Variants in KLHL17 observed in about 807,000 individuals in gnomAD.
The protein encoded by KLHL17 is kelch like family member 17.
In KLHL17, 71 loss-of-function variants were observed where a neutral mutation model predicts 64.6. That is an observed-to-expected ratio of 1.10 (90% confidence interval 0.91 to 1.34). The LOEUF (loss-of-function observed/expected upper bound fraction) is 1.34. KLHL17 is among the 40% of genes most tolerant of loss of function. KLHL17 has a pLI of 0.00. For synonymous variants in KLHL17, 612 were observed against 405.4 expected, an observed-to-expected ratio of 1.51 and a Z score of -6.12; for missense variants, 1,140 against 935.0, an observed-to-expected ratio of 1.22 and a Z score of -2.86.
At chr1:964,236 CCT>C in intron 10 of KLHL17, 56 bp downstream of exon 10, 7 of 1,603,898 alleles carry the variant, frequency 4.4e-6, no homozygotes, top group Admixed American at 3.3e-5. Flanking sequence ...GGCCCTCCTC[CCT>C]CTGTTTACCC....
chr1:961,248 G>T (rs765433473), intron 1 of KLHL17, 45 bp from the exon 2 acceptor site: 1 of 1,313,976 alleles, frequency 7.6e-7, no homozygotes, highest in South Asian at 2.2e-5. Flanking sequence ...CAGGGCGGGC[G>T]GGCGGCTCCA....
rs948255314 is a variant in KLHL17 at position 964,526 on chromosome 1, C to T, written c.1696C>T (p.Arg566Cys). 5.3e-6 allele frequency: 8 copies of T among 1,504,510 alleles called. No individual in the cohort carries two copies. Among genetic ancestry groups the T allele is most frequent in the East Asian group, 5.0e-5 (2 of 40,360 alleles). 93.2% of individuals were successfully genotyped at this position (1,504,510 alleles called of 1,614,324 possible). The change falls in exon 11 of 12, where the codon CGC becomes TGC. Residue 566 changes from arginine (R) to cysteine (C), a missense_variant. By Grantham distance (180) the Arg-to-Cys change is radical. Transcript: ENST00000338591. ...AWESVAPMNIRRSTHDLVAMD... is the reference protein window; with the variant it reads ...AWESVAPMNICRSTHDLVAMD... ...GGAAAGCGTGGCGCCCATGAATATCCGCAGGTCCGCAGTGGGGCTGCGGGG... is the reference window on the plus strand; with the variant it reads ...GGAAAGCGTGGCGCCCATGAATATCTGCAGGTCCGCAGTGGGGCTGCGGGG...
intron 8 of KLHL17, 132 bp downstream of exon 8, chr1:963,636 A>AC: frequency 2.8e-6 from 3 of 1,068,222 alleles, no homozygotes; most frequent in Non-Finnish European, 4.0e-6. Context: ...ACCCCAGGCC[A>AC]CTGCCACACT....
At position 962,416 on chromosome 1, in the gene KLHL17, C is replaced by G; in HGVS notation, c.773C>G (p.Ala258Gly). The part of the protein sequence containing the change: ...NVPSEEEVYR[A>G]VLSWVKHDVD... ...CCTTCAGAGGAGGAGGTCTACCGAG[C>G]CGTCCTGAGCTGGGTGAAACACGAC... Residue 258 changes from alanine (A) to glycine (G), a missense_variant, in exon 5 of 12, where the codon GCC (alanine) becomes GGC (glycine). Ala to Gly is a moderately conservative substitution (Grantham distance 60, BLOSUM62 0). Transcript: ENST00000338591. 6.2e-7 allele frequency: 1 copy of G among 1,612,764 alleles called. No homozygotes were observed. Among genetic ancestry groups the G allele is most frequent in the Non-Finnish European group, 8.5e-7 (1 of 1,179,930 alleles).
Position 961,819 on chromosome 1 carries a change from C to G in KLHL17, c.490-7C>G. The G allele has an allele frequency of 6.2e-7, 1 of 1,610,412 alleles. No homozygotes were observed. The highest frequency in any genetic ancestry group is 8.5e-7 in the Non-Finnish European group (1 of 1,179,836). ...GCCTCCCTCACCTGCCTCTCGGTGC[C>G]CCGTAGACTCTGCTCCCAGCCGCCA... On this transcript the variant is annotated splice_polypyrimidine_tract_variant and splice_region_variant and intron_variant, in intron 3 of 11. Transcript: ENST00000338591.
chr1:964,497 C>T lies in KLHL17; in HGVS notation c.1667C>T (p.Ala556Val), dbSNP rs745641573. Residue 556 changes from alanine to valine, a missense_variant, in exon 11 of 12, where the codon GCC becomes GTC. By Grantham distance (64) the Ala-to-Val change is moderately conservative. Transcript: ENST00000338591. ...SVERYSPKAG[A>V]WESVAPMNIR... is the part of the protein sequence containing the mutation. ...GAGAGATACAGTCCAAAGGCTGGAG[C>T]CTGGGAAAGCGTGGCGCCCATGAAT... is the stretch of plus-strand genomic sequence containing the variant. 1 of 1,523,320 alleles carries T rather than the reference C, an allele frequency of 6.6e-7. No homozygotes were observed. The highest frequency in any genetic ancestry group is 1.5e-5 in the African/African-American group (1 of 68,552). The allele number at this position is 1,523,320 out of a possible 1,614,324, so 94.4% of individuals were successfully genotyped here.
Position 964,465 on chromosome 1 carries a change from C to T in KLHL17, c.1635C>T (p.Asn545=), listed in dbSNP as rs200935874. Reference sequence around the variant, plus strand: ...GCAACGACGGCACCAGCTGCCTCAACTCGGTAGAGAGATACAGTCCAAAGG... The same window carrying T: ...GCAACGACGGCACCAGCTGCCTCAATTCGGTAGAGAGATACAGTCCAAAGG... The part of the protein sequence containing the change: ...AGGNDGTSCL[N]SVERYSPKAG... Residue 545 remains asparagine (N), a synonymous_variant, in exon 11 of 12, where the codon AAC becomes AAT. Transcript: ENST00000338591. The T allele has an allele frequency of 1.3e-6, 2 of 1,548,040 alleles. No homozygotes were observed. The highest frequency in any genetic ancestry group is 1.7e-6 in the Non-Finnish European group (2 of 1,145,594).
chr1:964,114 C>T lies in KLHL17; in HGVS notation c.1452C>T (p.Asn484=), dbSNP rs946819366. The change falls in exon 10 of 12, where the codon AAC becomes AAT. Residue 484 remains asparagine, a synonymous_variant. Coordinates refer to ENST00000338591, the MANE Select transcript of KLHL17 (RefSeq NM_198317.3). ...RYVRVATLDG[N]LYAVGGYDSS... ...TGTGTTGACTTCCGGCAGATGGGAA[C>T]CTGTATGCTGTGGGCGGCTACGACA... 4 of 1,612,594 alleles carry T rather than the reference C, an allele frequency of 2.5e-6. No individual in the cohort carries two copies. Among genetic ancestry groups the T allele is most frequent in the Non-Finnish European group, 2.5e-6 (3 of 1,179,936 alleles).
chr1:963,303 CCA>C (rs1642744726), intron 7 of KLHL17, 32 bp from the exon 8 acceptor site: 1 of 1,599,794 alleles, frequency 6.3e-7, no homozygotes. Flanking sequence ...GCCCGCCAGG[CCA>C]GTCTTGACCT....
Position 961,374 on chromosome 1 carries a change from G to A in KLHL17, c.189G>A (p.Glu63=), listed in dbSNP as rs199679371. 2.3e-4 allele frequency: 370 copies of A among 1,600,546 alleles called. No homozygotes were observed. Among genetic ancestry groups the A allele is most frequent in the Admixed American group, 4.8e-4 (28 of 58,512 alleles). The part of the protein sequence containing the change: ...MEGAVQLLSR[E]GHSVAHNSKR... ...GAGCCGTGCAGCTGCTGAGCCGCGA[G>A]GGCCACAGCGTGGCCCACAACTCCA... The change falls in exon 2 of 12, where the codon GAG becomes GAA. Residue 63 remains glutamate, a synonymous_variant. Coordinates refer to ENST00000338591, the MANE Select transcript of KLHL17 (RefSeq NM_198317.3).
chr1:963,643 C>T (rs1642759983), intron 8 of KLHL17, 139 bp downstream of exon 8: 9 of 1,041,604 alleles, frequency 8.6e-6, no homozygotes, highest in African/African-American at 1.6e-5. Context: ...GCCACTGCCA[C>T]ACTGGGCCTG....
At chr1:962,613 C>T (rs1642709514) in intron 5 of KLHL17, 91 bp from the exon 6 acceptor site, 1 of 1,522,218 alleles carries the variant, frequency 6.6e-7, no homozygotes, top group Non-Finnish European at 8.8e-7. Flanking sequence ...ATCCATCACA[C>T]AGGTGGTACG....
Position 964,380 on chromosome 1 carries a change from T to C in KLHL17, c.1550T>C (p.Leu517Pro). The part of the protein sequence containing the change: ...VNVWSPVASM[L>P]SRRSSAGVAV... ...GTGTGGTCGCCCGTGGCGTCCATGC[T>C]GAGCCGACGCAGCTCAGCGGGCGTG... The change falls in exon 11 of 12, where the codon CTG becomes CCG. Residue 517 changes from leucine (L) to proline (P), a missense_variant. Transcript: ENST00000338591. 2 of 1,558,020 alleles carry C rather than the reference T, an allele frequency of 1.3e-6. No homozygotes were observed. Among genetic ancestry groups the C allele is most frequent in the South Asian group, 1.2e-5 (1 of 85,236 alleles).
intron 10 of KLHL17, 79 bp from the exon 11 acceptor site, chr1:964,269 AC>A (rs1483093704): frequency 1.3e-6 from 2 of 1,587,040 alleles, no homozygotes; most frequent in Admixed American, 1.7e-5. Flanking sequence ...CATTCCTGAC[AC>A]CCCACCCTGG....
At position 965,283 on chromosome 1, in the gene KLHL17, C is replaced by T. The variant is rs557946046; in HGVS notation, c.*92C>T. On this transcript the variant is annotated 3_prime_UTR_variant, in exon 12 of 12. Transcript: ENST00000338591. ...CGTCCTGCGCCATCCGTTCACGTCTCTGCATCCATTCCTTCATGTCTTTAT... is the reference window on the plus strand; with the variant it reads ...CGTCCTGCGCCATCCGTTCACGTCTTTGCATCCATTCCTTCATGTCTTTAT... The T allele has an allele frequency of 1.7e-5, 16 of 936,170 alleles. No homozygotes were observed. The highest frequency in any genetic ancestry group is 1.0e-4 in the African/African-American group (6 of 60,022). 58.0% of individuals were successfully genotyped at this position (936,170 alleles called of 1,614,324 possible). A position where few individuals can be genotyped will look rare whatever the true frequency, so the allele number is the denominator to read the frequency against.
Position 961,892 on chromosome 1 carries a change from C to T in KLHL17, c.556C>T (p.Leu186=). Residue 186 remains leucine (L), a synonymous_variant, in exon 4 of 12, where the codon CTG becomes TTG. Transcript: ENST00000338591. The part of the protein sequence containing the change: ...GVRDACCKFL[L]SQLDPSNCLG... ...CCGAGACGCTTGCTGCAAGTTTCTACTGAGTCAGCTCGACCCCTCCAACTG... is the reference window on the plus strand; with the variant it reads ...CCGAGACGCTTGCTGCAAGTTTCTATTGAGTCAGCTCGACCCCTCCAACTG... 10 of 1,612,808 alleles carry T rather than the reference C, an allele frequency of 6.2e-6. No individual in the cohort carries two copies. Among genetic ancestry groups the T allele is most frequent in the Non-Finnish European group, 7.6e-6 (9 of 1,180,014 alleles).
chr1:963,385 GACTA>G lies in KLHL17; in HGVS notation c.1239_1242del (p.Asn414ArgfsTer36). 6.2e-7 allele frequency: 1 copy of G among 1,612,614 alleles called. No individual in the cohort carries two copies. The highest frequency in any genetic ancestry group is 8.5e-7 in the Non-Finnish European group (1 of 1,179,840). Reference sequence around the variant, plus strand: ...CTACCGTGGAGTCCTACGACCCCGTGACTAACACGTGGCAGCCGGAGGTGTCCAT... The same window carrying G: ...CTACCGTGGAGTCCTACGACCCCGTGACACGTGGCAGCCGGAGGTGTCCAT... On this transcript the variant is annotated frameshift_variant, in exon 8 of 12. Coordinates refer to ENST00000338591, the MANE Select transcript of KLHL17 (RefSeq NM_198317.3). LOFTEE classifies it high-confidence loss of function.
rs754538365 is a variant in KLHL17 at position 961,829 on chromosome 1, C to T, written c.493C>T (p.Leu165=). ...CCTGCCTCTCGGTGCCCCGTAGACTCTGCTCCCAGCCGCCAGTCTCCTGCA... is the reference window on the plus strand; with the variant it reads ...CCTGCCTCTCGGTGCCCCGTAGACTTTGCTCCCAGCCGCCAGTCTCCTGCA... The part of the protein sequence containing the change: ...IVVGEGNVQT[L]LPAASLLQLN... The change falls in exon 4 of 12, where the codon CTG becomes TTG. Residue 165 remains leucine, a synonymous_variant. Transcript: ENST00000338591. 1.2e-5 allele frequency: 20 copies of T among 1,610,302 alleles called. No individual in the cohort carries two copies. The highest frequency in any genetic ancestry group is 3.3e-5 in the Admixed American group (2 of 60,002).
At chr1:962,530 G>T in intron 5 of KLHL17, 59 bp downstream of exon 5, 1 of 1,594,768 alleles carries the variant, frequency 6.3e-7, no homozygotes. Flanking sequence ...GGTGGCTGAG[G>T]GCCTGGTGCA....
Sources: allele counts gnomAD v4.1 joint callset, GRCh38; gene constraint gnomAD v4.1.1; transcripts MANE v1.5; gene names NCBI Gene and HGNC (gene_info 2026-07-23, HGNC 2026-07-21).